MIPEP: variants seen among roughly 807,000 people sequenced by gnomAD.
MIPEP encodes mitochondrial intermediate peptidase.
In MIPEP, 79 loss-of-function variants were observed where a neutral mutation model predicts 90.3. That is an observed-to-expected ratio of 0.87 (90% CI 0.73 to 1.05). The LOEUF is 1.05. Among genes scored for constraint, MIPEP ranks in the 50% least tolerant of loss-of-function variants. MIPEP has a pLI of 0.00. For missense variants in MIPEP, 940 were observed against 905.6 expected, an observed-to-expected ratio of 1.04 and a Z score of -0.49; for synonymous variants, 334 against 315.8, an observed-to-expected ratio of 1.06 and a Z score of -0.61.
chr13:23,787,950 C>T (rs1032761947), intron 16 of MIPEP, among the ~76,000 whole-genome samples: 17 of 152,210 alleles, frequency 1.1e-4, no homozygotes, highest in African/African-American at 3.9e-4. Context: ...ACTATCATTT[C>T]CATGAGCGTG....
intron 16 of MIPEP, among the ~76,000 whole-genome samples, chr13:23,771,495 T>C (rs896652268): frequency 1.3e-5 from 2 of 151,582 alleles, no homozygotes; most frequent in Non-Finnish European, 2.9e-5. Flanking sequence ...TATAAAGTTA[T>C]CAACAAATAG....
intron 8 of MIPEP, among the ~76,000 whole-genome samples, chr13:23,863,747 A>G (rs1340716671): frequency 6.6e-6 from 1 of 152,244 alleles, no homozygotes; most frequent in African/African-American, 2.4e-5. Flanking sequence ...TCCTTAAAAT[A>G]CTACACAAAA....
intron 18 of MIPEP, among the ~76,000 whole-genome samples, chr13:23,736,274 A>T (rs1268715048): frequency 2.0e-5 from 3 of 152,242 alleles, no homozygotes; most frequent in Non-Finnish European, 2.9e-5. Context: ...AATATAAGAA[A>T]GACAAAATTG....
intron 14 of MIPEP, among the ~76,000 whole-genome samples, chr13:23,833,668 TA>T (rs1398065407): frequency 6.6e-6 from 1 of 152,180 alleles, no homozygotes; most frequent in Non-Finnish European, 1.5e-5. Context: ...GTTCTATAAG[TA>T]GATGGCAATT....
chr13:23,858,057 A>G (rs565958311), intron 10 of MIPEP, among the ~76,000 whole-genome samples: 1 of 152,284 alleles, frequency 6.6e-6, no homozygotes, highest in East Asian at 1.9e-4. Context: ...TAAACAGCAT[A>G]TCTCAAAAAC....
At chr13:23,831,197 T>C (rs549659280) in intron 14 of MIPEP, among the ~76,000 whole-genome samples, 17 of 152,234 alleles carry the variant, frequency 1.1e-4, no homozygotes, top group African/African-American at 4.1e-4. Flanking sequence ...GGTAAAAGTA[T>C]CAGACTTTTG....
intron 16 of MIPEP, among the ~76,000 whole-genome samples, chr13:23,787,659 T>A (rs942521096): frequency 6.6e-6 from 1 of 152,152 alleles, no homozygotes; most frequent in Non-Finnish European, 1.5e-5. Context: ...TTCCAGGGAG[T>A]GCTCTGCAGT....
chr13:23,798,956 C>T (rs1952997368), intron 16 of MIPEP, among the ~76,000 whole-genome samples: 1 of 150,462 alleles, frequency 6.6e-6, no homozygotes, highest in African/African-American at 2.4e-5. Context: ...ACATATAATA[C>T]ATCCCTCATC....
intron 3 of MIPEP, among the ~76,000 whole-genome samples, chr13:23,879,885 G>A (rs1871208893): frequency 6.6e-6 from 1 of 152,064 alleles, no homozygotes; most frequent in South Asian, 2.1e-4. Flanking sequence ...ATGAACCATG[G>A]CCACTGTTGA....
intron 14 of MIPEP, among the ~76,000 whole-genome samples, chr13:23,830,825 C>A (rs1423721774): frequency 6.6e-6 from 1 of 152,092 alleles, no homozygotes; most frequent in African/African-American, 2.4e-5. Flanking sequence ...CAGCAGCCAC[C>A]CCTCAGGATG....
intron 14 of MIPEP, among the ~76,000 whole-genome samples, chr13:23,816,692 T>C (rs1953242539): frequency 6.6e-6 from 1 of 152,232 alleles, no homozygotes; most frequent in Non-Finnish European, 1.5e-5. Context: ...TGATTAGCTT[T>C]ATCTTGGAGC....
At chr13:23,856,643 A>G (rs920039289) in intron 10 of MIPEP, among the ~76,000 whole-genome samples, 3 of 152,096 alleles carry the variant, frequency 2.0e-5, no homozygotes, top group Non-Finnish European at 4.4e-5. Context: ...ATGAGTAGTG[A>G]GGGCAGCCAG....
At chr13:23,818,894 G>A (rs190602967) in intron 14 of MIPEP, among the ~76,000 whole-genome samples, 18 of 152,296 alleles carry the variant, frequency 1.2e-4, no homozygotes, top group African/African-American at 4.1e-4. Flanking sequence ...TCCCTTACCT[G>A]AAATTCCATA....
chr13:23,779,183 C>T (rs1952749233), intron 16 of MIPEP, among the ~76,000 whole-genome samples: 1 of 152,146 alleles, frequency 6.6e-6, no homozygotes, highest in South Asian at 2.1e-4. Flanking sequence ...AAAGTTCAAG[C>T]CATTGAATCA....
At chr13:23,748,191 C>G (rs1034996074) in intron 18 of MIPEP, among the ~76,000 whole-genome samples, 4 of 152,220 alleles carry the variant, frequency 2.6e-5, no homozygotes, top group African/African-American at 9.6e-5. Context: ...CAGGTGCATG[C>G]CACCACACCC....
At chr13:23,846,929 C>T (rs560898002) in intron 10 of MIPEP, among the ~76,000 whole-genome samples, 4 of 152,072 alleles carry the variant, frequency 2.6e-5, no homozygotes, top group East Asian at 3.9e-4. Flanking sequence ...ACAGCAAAAA[C>T]GATCCTTTAA....
At chr13:23,883,912 C>T (rs1421275529) in intron 2 of MIPEP, among the ~76,000 whole-genome samples, 1 of 152,182 alleles carries the variant, frequency 6.6e-6, no homozygotes, top group Admixed American at 6.5e-5. Context: ...CCCAGTACAA[C>T]AGAACTACTC....
At chr13:23,758,914 C>T (rs1285266120) in intron 17 of MIPEP, among the ~76,000 whole-genome samples, 4 of 152,152 alleles carry the variant, frequency 2.6e-5, no homozygotes, top group Non-Finnish European at 1.5e-5. Context: ...ACTGTTTTCT[C>T]TGAGCCTCAG....
At position 23,818,093 on chromosome 13, in the gene MIPEP, G is replaced by A. The variant is rs369508662; in HGVS notation, c.1654-8169C>T. Among the ~76,000 whole-genome samples the A allele has an allele frequency of 4.1e-4, 61 of 149,718 alleles. 1 individual carries two copies. The East Asian group carries it at 6.6e-3, about 16-fold the overall frequency. ...TGGGTTTTGCAGTGAGCTAAGCAGC[G>A]TTAAAAGAAAAACTTTGGACAAATT... On this transcript the variant is annotated intron_variant, in intron 14 of 18. Coordinates refer to ENST00000382172, the MANE Select transcript of MIPEP (RefSeq NM_005932.4).
Sources: gnomAD v4.1 joint callset for allele counts (sites outside exome capture counted in the v4.1 genomes callset) on GRCh38, gnomAD v4.1.1 for gene constraint, MANE v1.5 for transcripts, NCBI Gene and HGNC (gene_info 2026-07-23, HGNC 2026-07-21) for gene names.